The following PURG variants were observed in gnomAD, a reference collection of about 807,000 sequenced individuals.
The protein encoded by PURG is purine rich element binding protein G.
Under a neutral mutation model 24.3 loss-of-function variants are expected in PURG, and 3 were observed. The ratio of observed to expected loss-of-function variants is 0.12; its 90% CI spans 0.06 to 0.32. The LOEUF is 0.32. Among genes scored for constraint, PURG ranks in the 10% least tolerant of loss-of-function variants. PURG has a pLI of 1.00. For missense variants in PURG, 371 were observed against 439.1 expected, an observed-to-expected ratio of 0.84 and a Z score of 1.39; for synonymous variants, 180 against 173.1, an observed-to-expected ratio of 1.04 and a Z score of -0.31.
intron 1 of PURG, among the ~76,000 whole-genome samples, chr8:31,017,371 G>A (rs1810894335): frequency 6.6e-6 from 1 of 151,528 alleles, no homozygotes; most frequent in South Asian, 2.1e-4. Flanking sequence ...TGCAATATAT[G>A]TATGTTTAAT....
At chr8:31,021,265 T>C (rs2129825724) in intron 1 of PURG, among the ~76,000 whole-genome samples, 1 of 152,328 alleles carries the variant, frequency 6.6e-6, no homozygotes, top group East Asian at 1.9e-4. Flanking sequence ...CCAGTTGTTT[T>C]TGGTTCATGA....
At chr8:31,016,037 A>G (rs1008999962) in intron 1 of PURG, among the ~76,000 whole-genome samples, 3 of 152,130 alleles carry the variant, frequency 2.0e-5, no homozygotes, top group African/African-American at 7.2e-5. Flanking sequence ...TGTGTGACAG[A>G]ACAAGACCCT....
downstream of PURG, among the ~76,000 whole-genome samples, chr8:31,028,824 G>C (rs1412970452): frequency 6.6e-6 from 1 of 151,846 alleles, no homozygotes; most frequent in Non-Finnish European, 1.5e-5. Flanking sequence ...ACTACAGTTT[G>C]AGCCTGTACC....
rs1563311924 is a variant in PURG at position 31,032,000 on chromosome 8, G to A, written c.783C>T (p.Leu261=). 1 of 1,614,130 alleles carries A rather than the reference G, an allele frequency of 6.2e-7. No individual in the cohort carries two copies. Among genetic ancestry groups the A allele is most frequent in the Admixed American group, 1.7e-5 (1 of 60,024 alleles). Reference sequence around the variant, plus strand: ...CCACTCTGAAAGAAGTCCCCTCTGGGAGTTCAAGCGGGTCATCGTCTCCAC... The same window carrying A: ...CCACTCTGAAAGAAGTCCCCTCTGGAAGTTCAAGCGGGTCATCGTCTCCAC... ...RRGGDDDPLE[L]PEGTSFRVDN... is the part of the protein sequence containing the mutation. The change falls in exon 2 of 2, where the codon CTC becomes CTT. Residue 261 remains leucine (L), a synonymous_variant. Transcript: ENST00000523392.
intron 1 of PURG, among the ~76,000 whole-genome samples, chr8:31,004,718 C>T (rs995130185): frequency 1.3e-5 from 2 of 152,130 alleles, no homozygotes; most frequent in Non-Finnish European, 2.9e-5. Flanking sequence ...GATTATTTTT[C>T]AAACTAGTTT....
intron 1 of PURG, among the ~76,000 whole-genome samples, chr8:31,001,634 T>C (rs1810538845): frequency 6.6e-6 from 1 of 152,116 alleles, no homozygotes; most frequent in African/African-American, 2.4e-5. Flanking sequence ...AAAATAAATA[T>C]CTATTGATTT....
intron 1 of PURG, among the ~76,000 whole-genome samples, chr8:31,008,868 C>G (rs1169009188): frequency 1.3e-5 from 2 of 152,190 alleles, no homozygotes; most frequent in Non-Finnish European, 2.9e-5. Context: ...GCACTTTATA[C>G]TAGGCCACTG....
chr8:31,024,755 A>T (rs1353484217), intron 1 of PURG, among the ~76,000 whole-genome samples: 2 of 152,136 alleles, frequency 1.3e-5, no homozygotes, highest in Non-Finnish European at 2.9e-5. Context: ...GACTTTAATC[A>T]GATCAAGTAA....
intron 1 of PURG, chr8:30,996,766 G>C: frequency 8.8e-7 from 1 of 1,136,080 alleles, no homozygotes. Context: ...TATTTTCACA[G>C]TACAAACCCA....
chr8:31,002,777 C>A (rs1810564505), intron 1 of PURG, among the ~76,000 whole-genome samples: 1 of 152,188 alleles, frequency 6.6e-6, no homozygotes. Context: ...AGCCACCGTG[C>A]CCGGCCGAGA....
At chr8:31,002,568 C>T (rs1173719508) in intron 1 of PURG, among the ~76,000 whole-genome samples, 3 of 152,168 alleles carry the variant, frequency 2.0e-5, no homozygotes, top group Non-Finnish European at 4.4e-5. Context: ...ACTGCAACCT[C>T]TGTCTCCTGG....
At chr8:31,009,538 T>A (rs1051521215) in intron 1 of PURG, among the ~76,000 whole-genome samples, 23 of 152,216 alleles carry the variant, frequency 1.5e-4, no homozygotes, top group African/African-American at 5.5e-4. Flanking sequence ...AAACCATGGT[T>A]AACTGGGAAT....
chr8:31,027,505 T>A (rs999939360), downstream of PURG, among the ~76,000 whole-genome samples: 2 of 151,778 alleles, frequency 1.3e-5, no homozygotes, highest in East Asian at 1.9e-4. Context: ...TGATAATACA[T>A]ACATCAGCTT....
chr8:31,004,592 G>C (rs370130809), intron 1 of PURG, among the ~76,000 whole-genome samples: 1 of 152,266 alleles, frequency 6.6e-6, no homozygotes. Context: ...GCTTGAACCA[G>C]GGAGGCAGAG....
At chr8:31,007,036 C>T (rs1330828382) in intron 1 of PURG, among the ~76,000 whole-genome samples, 3 of 152,116 alleles carry the variant, frequency 2.0e-5, no homozygotes, top group Non-Finnish European at 4.4e-5. Context: ...TGATACAAGA[C>T]AACAGATTCT....
chr8:31,031,779 C>G lies in PURG; in HGVS notation c.1004G>C (p.Gly335Ala). The part of the protein sequence containing the change: ...CNSHKEKRMD[G>A]RKASGEEQEC... ...TTGTTCTTCACCACTGGCCTTTCTG[C>G]CATCCATTCTCTTTTCTTTATGGCT... The change falls in exon 2 of 2, where the codon GGC becomes GCC. Residue 335 changes from glycine (G) to alanine (A), a missense_variant. This residue lies in a region of PURG where 103 missense variants were observed against 127.7 expected (regional missense o/e 0.81). Coordinates refer to ENST00000523392, the MANE Select transcript of PURG (RefSeq NM_001323311.2). 2 of 1,552,290 alleles carry G rather than the reference C, an allele frequency of 1.3e-6. No homozygotes were observed. Among genetic ancestry groups the G allele is most frequent in the Non-Finnish European group, 1.7e-6 (2 of 1,147,234 alleles).
chr8:31,026,196 G>A (rs1811085378), downstream of PURG, among the ~76,000 whole-genome samples: 1 of 151,774 alleles, frequency 6.6e-6, no homozygotes, highest in African/African-American at 2.4e-5. Context: ...TTGACTGAAC[G>A]TGATACTTTA....
intron 1 of PURG, among the ~76,000 whole-genome samples, chr8:31,019,390 G>T (rs1439334036): frequency 8.2e-6 from 1 of 122,698 alleles, no homozygotes; most frequent in Non-Finnish European, 1.6e-5. Flanking sequence ...CTGGAGTCTA[G>T]TGGCTCAATC....
At chr8:31,013,506 G>A (rs1810801167) in intron 1 of PURG, among the ~76,000 whole-genome samples, 1 of 152,160 alleles carries the variant, frequency 6.6e-6, no homozygotes, top group Non-Finnish European at 1.5e-5. Flanking sequence ...GGAAGCACGA[G>A]GCAGGAGGAT....
Sources: allele counts gnomAD v4.1 joint callset (sites outside exome capture counted in the v4.1 genomes callset), GRCh38; gene constraint gnomAD v4.1.1; regional missense constraint gnomAD v4.1.1; transcripts MANE v1.5; gene names NCBI Gene and HGNC (gene_info 2026-07-23, HGNC 2026-07-21).